The following CWF19L1 variants were observed in gnomAD, a reference collection of about 807,000 sequenced individuals.
CWF19L1 encodes CWF19-like protein 1.
In CWF19L1, 60 loss-of-function variants were observed where a neutral mutation model predicts 69.7. The ratio of observed to expected loss-of-function variants is 0.86; its 90% CI spans 0.70 to 1.07. CWF19L1 has a LOEUF of 1.07. Ranked by LOEUF, CWF19L1 falls within the 50% of genes least tolerant of loss-of-function variation. The pLI is 0.00. For synonymous variants in CWF19L1, 209 were observed against 222.2 expected (o/e 0.94, Z 0.53); for missense variants, 591 against 638.9 (o/e 0.92, Z 0.81).
At chr10:100,233,565 AC>A (rs2134269031) in intron 13 of CWF19L1, 194 bp from the exon 14 acceptor site, 3 of 416,300 alleles carry the variant, frequency 7.2e-6, no homozygotes, top group Non-Finnish European at 1.2e-5. Context: ...GATCCTTCAA[AC>A]CCCACTTGCT....
intron 5 of CWF19L1, chr10:100,254,749 C>A (rs663123): frequency 0.057 from 8,604 of 152,250 alleles, 409 homozygotes; most frequent in South Asian, 0.24. Flanking sequence ...GCCTCATTTT[C>A]TCATCCTTCC....
rs780477578 is a variant in CWF19L1 at position 100,238,171 on chromosome 10, C to G, written c.1105G>C (p.Gly369Arg). 1 of 1,614,102 alleles carries G rather than the reference C, an allele frequency of 6.2e-7. No homozygotes were observed. Among genetic ancestry groups the G allele is most frequent in the South Asian group, 1.1e-5 (1 of 91,078 alleles). Residue 369 changes from glycine (G) to arginine (R), a missense_variant, in exon 11 of 14, where the codon GGA becomes CGA. Around this residue, in one of 3 missense-constraint regions of CWF19L1, gnomAD observed 458 missense variants for 489.3 expected, o/e 0.94. Coordinates refer to ENST00000354105, the MANE Select transcript of CWF19L1 (RefSeq NM_018294.6). ...SDDHVLILPI[G>R]HYQSVVELSA... is the part of the protein sequence containing the mutation. ...AGCTCCACCACTGACTGGTAGTGTC[C>G]AATAGGCAGGATGAGGACATGGTCA...
chr10:100,261,644 C>T (rs557939313), intron 2 of CWF19L1, among the ~76,000 whole-genome samples: 2 of 152,290 alleles, frequency 1.3e-5, no homozygotes, highest in South Asian at 2.1e-4. Context: ...ATGTATGTTA[C>T]CTGACTTAAT....
chr10:100,246,928 TAA>T lies in CWF19L1; in HGVS notation c.714_715del (p.Tyr239ArgfsTer24). 6.2e-7 allele frequency: 1 copy of T among 1,604,134 alleles called. No homozygotes were observed. The highest frequency in any genetic ancestry group is 8.5e-7 in the Non-Finnish European group (1 of 1,173,368). The stretch of plus-strand genomic sequence containing the variant: ...CTTCATGGGAACAATACTGAACGCG[TAA>T]AGATACTTTAGAGAAAAAGAACATA... On this transcript the variant is annotated frameshift_variant, in exon 8 of 14. Coordinates refer to ENST00000354105, the MANE Select transcript of CWF19L1 (RefSeq NM_018294.6). LOFTEE classifies it high-confidence loss of function.
At chr10:100,234,818 G>A (rs1846379502) in intron 13 of CWF19L1, among the ~76,000 whole-genome samples, 1 of 152,110 alleles carries the variant, frequency 6.6e-6, no homozygotes, top group Non-Finnish European at 1.5e-5. Flanking sequence ...CTCCCTCTAT[G>A]GTTTTGCAGT....
At chr10:100,252,446 C>T (rs1409483107) in intron 6 of CWF19L1, among the ~76,000 whole-genome samples, 2 of 149,952 alleles carry the variant, frequency 1.3e-5, no homozygotes, top group Non-Finnish European at 3.0e-5. Flanking sequence ...AAAAAAAGAA[C>T]TTGACCTCTA....
At chr10:100,237,943 C>T (rs1846501819) in intron 11 of CWF19L1, 79 bp downstream of exon 11, 2 of 1,403,282 alleles carry the variant, frequency 1.4e-6, no homozygotes, top group Admixed American at 3.4e-5. Flanking sequence ...GCCACCTCGC[C>T]CAGCCTATTT....
At chr10:100,253,811 T>G in intron 5 of CWF19L1, 1 of 331,750 alleles carries the variant, frequency 3.0e-6, no homozygotes, top group East Asian at 5.0e-5. Context: ...AAACACAAAT[T>G]ATTAAAACCT....
intron 6 of CWF19L1, among the ~76,000 whole-genome samples, chr10:100,251,505 CTTTTTTTTT>C (rs1208146959): frequency 1.1e-5 from 1 of 88,296 alleles, no homozygotes; most frequent in African/African-American, 5.5e-5. Context: ...GTCTATTGGC[CTTTTTTTTT>C]TTTTTTTTTT....
intron 6 of CWF19L1, among the ~76,000 whole-genome samples, chr10:100,250,763 C>T (rs1393681731): frequency 6.6e-6 from 1 of 150,838 alleles, no homozygotes; most frequent in Non-Finnish European, 1.5e-5. Context: ...CTGGGCAACA[C>T]AGTGAGACTC....
chr10:100,262,071 C>T lies in CWF19L1; in HGVS notation c.24-8G>A. ...ACATCTCCACAAGCCAAGCTGCAAA[C>T]AAAGAGATAAACATTATAGCAATTC... On this transcript the variant is annotated splice_polypyrimidine_tract_variant and splice_region_variant and intron_variant, in intron 1 of 13. Coordinates refer to ENST00000354105, the MANE Select transcript of CWF19L1 (RefSeq NM_018294.6). 1 of 1,609,252 alleles carries T rather than the reference C, an allele frequency of 6.2e-7. No individual in the cohort carries two copies. Among genetic ancestry groups the T allele is most frequent in the Non-Finnish European group, 8.5e-7 (1 of 1,178,746 alleles).
rs144830158 is a variant in CWF19L1 at position 100,262,194 on chromosome 10, T to G, written c.24-131A>C. 8.7e-5 allele frequency: 122 copies of G among 1,403,458 alleles called. 1 individual carries two copies. In the East Asian group the frequency reaches 3.3e-3, roughly 38 times the overall value. 86.9% of individuals were successfully genotyped at this position (1,403,458 alleles called of 1,614,324 possible). ...TCTGCAGTTACCTTGCAAGGTTCAG[T>G]GCACGTAAACCACTGGGCAGATCCA... On this transcript the variant is annotated intron_variant, in intron 1 of 13. Coordinates refer to ENST00000354105, the MANE Select transcript of CWF19L1 (RefSeq NM_018294.6).
At chr10:100,257,360 C>T (rs950321592) in intron 4 of CWF19L1, among the ~76,000 whole-genome samples, 2 of 133,098 alleles carry the variant, frequency 1.5e-5, no homozygotes, top group African/African-American at 5.6e-5. Context: ...GTGGCGCAAT[C>T]TTGGCTCATT....
At chr10:100,239,970 G>A (rs1172573827) in intron 10 of CWF19L1, among the ~76,000 whole-genome samples, 4 of 152,138 alleles carry the variant, frequency 2.6e-5, no homozygotes, top group African/African-American at 9.7e-5. Context: ...TTGTCAGAAG[G>A]TCACTGCCAT....
At chr10:100,246,097 T>A in intron 8 of CWF19L1, 184 bp from the exon 9 acceptor site, 1 of 528,800 alleles carries the variant, frequency 1.9e-6, no homozygotes, top group Non-Finnish European at 3.4e-6. Context: ...CAGTCATACA[T>A]CAACACTTAT....
At chr10:100,234,913 G>C (rs1157272270) in intron 13 of CWF19L1, among the ~76,000 whole-genome samples, 1 of 152,184 alleles carries the variant, frequency 6.6e-6, no homozygotes, top group Non-Finnish European at 1.5e-5. Flanking sequence ...AAGACCTCAA[G>C]TTTTGAGGTC....
chr10:100,239,618 G>A (rs376458514), intron 10 of CWF19L1, among the ~76,000 whole-genome samples: 1 of 152,174 alleles, frequency 6.6e-6, no homozygotes, highest in African/African-American at 2.4e-5. Flanking sequence ...CAGCCTGGGC[G>A]ACAGAACAAG....
chr10:100,253,118 C>T (rs189466916), intron 6 of CWF19L1, among the ~76,000 whole-genome samples: 141 of 152,232 alleles, frequency 9.3e-4, no homozygotes, highest in African/African-American at 3.2e-3. Context: ...CTCCTGGGCT[C>T]GAGCGAGCCT....
intron 10 of CWF19L1, 54 bp from the exon 11 acceptor site, chr10:100,238,285 A>C (rs917156844): frequency 1.6e-5 from 24 of 1,546,084 alleles, no homozygotes; most frequent in Admixed American, 5.1e-5. Context: ...AGGATTCTCC[A>C]GGGAGAAAAA....
Sources: allele counts gnomAD v4.1 joint callset (sites outside exome capture counted in the v4.1 genomes callset), GRCh38; gene constraint gnomAD v4.1.1; regional missense constraint gnomAD v4.1.1; transcripts MANE v1.5; gene names NCBI Gene and HGNC (gene_info 2026-07-23, HGNC 2026-07-21).